The following KIRREL3 variants were observed in gnomAD, a reference collection of about 807,000 sequenced individuals.
The protein encoded by KIRREL3 is kirre like nephrin family adhesion molecule 3.
A neutral mutation model predicts 89.7 loss-of-function variants in KIRREL3; 36 were observed. That is an observed-to-expected ratio of 0.40 (90% CI 0.31 to 0.53). KIRREL3 has a LOEUF of 0.53. Among genes scored for constraint, KIRREL3 ranks in the 20% least tolerant of loss-of-function variants. The pLI, the probability that KIRREL3 is intolerant of heterozygous loss-of-function variation, is 0.49. For missense variants in KIRREL3, 864 were observed against 1,056.6 expected, an observed-to-expected ratio of 0.82 and a Z score of 2.53; for synonymous variants, 445 against 441.4, an observed-to-expected ratio of 1.01 and a Z score of -0.10.
rs912317155 is a variant in KIRREL3, at chr11:126,608,023, C to T, written c.56-45111G>A. On this transcript the variant is annotated intron_variant, in intron 1 of 16. Transcript: ENST00000525144. This position sits in a 1 kb window ranked among gnomAD's most constrained non-coding sequence, Gnocchi z 4.9. Reference sequence around the variant, plus strand: ...GGGCCTTTCTCATCATCTCCCGTGCCTGCCGTGCTGTCTCTTACCAACCCA... The same window carrying T: ...GGGCCTTTCTCATCATCTCCCGTGCTTGCCGTGCTGTCTCTTACCAACCCA... 2.6e-5 allele frequency among the ~76,000 whole-genome samples: 4 copies of T among 152,132 alleles called. No individual in the cohort carries two copies. The highest frequency in any genetic ancestry group is 7.3e-5 in the African/African-American group (3 of 41,376).
rs1435034997 is a variant in KIRREL3 at position 126,513,855 on chromosome 11, A to G, written c.433+7460T>C. ...AACAGCAACTACTCAGCGTGGCATT[A>G]TGGCATTGAACCCACAGGGTGGACC... On this transcript the variant is annotated intron_variant, in intron 4 of 16. Coordinates refer to ENST00000525144, the MANE Select transcript of KIRREL3 (RefSeq NM_032531.4). The surrounding 1 kb of genome is among the most constrained non-coding windows in gnomAD (Gnocchi z 5.9). Among the ~76,000 whole-genome samples the G allele has an allele frequency of 1.3e-5, 2 of 152,146 alleles. No homozygotes were observed. The highest frequency in any genetic ancestry group is 2.9e-5 in the Non-Finnish European group (2 of 68,018).
chr11:126,593,540 T>C (rs647306), intron 1 of KIRREL3, among the ~76,000 whole-genome samples: 1,867 of 152,362 alleles, frequency 0.012, 14 homozygotes, highest in Middle Eastern at 0.041. Context: ...AACACCCGGC[T>C]GGACCTGTGG....
In KIRREL3 at chr11:126,969,759, C is replaced by A. The variant is rs955106421; in HGVS notation, c.55+30696G>T. Among the ~76,000 whole-genome samples, 5 of 152,144 alleles carry A rather than the reference C, an allele frequency of 3.3e-5. No individual in the cohort carries two copies. The highest frequency in any genetic ancestry group is 7.3e-5 in the Non-Finnish European group (5 of 68,030). Reference sequence around the variant, plus strand: ...GGACCTGGCTCACTTTTGTAGATCCCTTCAAAGCTGGAGATTGGTGCCTTC... The same window carrying A: ...GGACCTGGCTCACTTTTGTAGATCCATTCAAAGCTGGAGATTGGTGCCTTC... On this transcript the variant is annotated intron_variant, in intron 1 of 16. Transcript: ENST00000525144. The surrounding 1 kb of genome is among the most constrained non-coding windows in gnomAD (Gnocchi z 4.9).
intron 1 of KIRREL3, among the ~76,000 whole-genome samples, chr11:126,821,806 G>A (rs553058164): frequency 6.6e-6 from 1 of 152,168 alleles, no homozygotes; most frequent in East Asian, 1.9e-4. Flanking sequence ...GATCCCACCA[G>A]CCCTAGTTGG....
In KIRREL3 at chr11:126,940,635, AT is replaced by A. The variant is rs1696495365; in HGVS notation, c.55+59819del. On this transcript the variant is annotated intron_variant, in intron 1 of 16. Transcript: ENST00000525144. This position sits in a 1 kb window ranked among gnomAD's most constrained non-coding sequence, Gnocchi z 4.6. ...TTCTCAGCCATACCTGGAAGTGGCCATTCATTTTTACATTCTAAGGCCATGT... is the reference window on the plus strand; with the variant it reads ...TTCTCAGCCATACCTGGAAGTGGCCATCATTTTTACATTCTAAGGCCATGT... The A allele has an allele frequency of 6.6e-6, 1 of 152,064 alleles. No individual in the cohort carries two copies. Among genetic ancestry groups the A allele is most frequent in the South Asian group, 2.1e-4 (1 of 4,820 alleles). The allele number at this position is 152,064 out of a possible 1,614,324, so 9.4% of individuals were successfully genotyped here.
At chr11:126,464,372 TA>T (rs200294157) in intron 5 of KIRREL3, among the ~76,000 whole-genome samples, 21,756 of 142,266 alleles carry the variant, frequency 0.15, 2,220 homozygotes, top group East Asian at 0.38. Flanking sequence ...AGAAAAAAAT[TA>T]AAAAAAAATT....
chr11:126,577,791 C>T (rs1208353012), intron 1 of KIRREL3, among the ~76,000 whole-genome samples: 6 of 151,800 alleles, frequency 4.0e-5, no homozygotes, highest in African/African-American at 1.5e-4. Flanking sequence ...ACTAACCGTC[C>T]TTTCTCTGGT....
chr11:126,452,821 A>G lies in KIRREL3; in HGVS notation c.848+3528T>C, dbSNP rs368003877. Reference sequence around the variant, plus strand: ...TTTTGGGGAGGTGCCTCAGGACCCGACAGAGCCCGCAGCTCACATCTCGCC... The same window carrying G: ...TTTTGGGGAGGTGCCTCAGGACCCGGCAGAGCCCGCAGCTCACATCTCGCC... On this transcript the variant is annotated intron_variant, in intron 7 of 16. Transcript: ENST00000525144. 7.2e-5 allele frequency among the ~76,000 whole-genome samples: 11 copies of G among 152,220 alleles called. No individual in the cohort carries two copies. In the East Asian group the frequency reaches 2.1e-3, roughly 29 times the overall value.
At chr11:126,444,894 C>T (rs1279485248) in intron 10 of KIRREL3, 85 bp downstream of exon 10, 1 of 1,568,496 alleles carries the variant, frequency 6.4e-7, no homozygotes, top group Non-Finnish European at 8.7e-7. Flanking sequence ...CCAGCGACAG[C>T]TCCTTTGGGG....
intron 1 of KIRREL3, among the ~76,000 whole-genome samples, chr11:126,915,659 T>C (rs1270591599): frequency 6.6e-6 from 1 of 152,228 alleles, no homozygotes; most frequent in African/African-American, 2.4e-5. Context: ...ACCACTCATC[T>C]AACTCTCCTG....
Position 126,601,447 on chromosome 11 carries a change from T to C in KIRREL3, c.56-38535A>G, listed in dbSNP as rs1942651592. Among the ~76,000 whole-genome samples, 1 of 152,228 alleles carries C rather than the reference T, an allele frequency of 6.6e-6. No homozygotes were observed. The highest frequency in any genetic ancestry group is 2.1e-4 in the South Asian group (1 of 4,830). On this transcript the variant is annotated intron_variant, in intron 1 of 16. Transcript: ENST00000525144. This position sits in a 1 kb window ranked among gnomAD's most constrained non-coding sequence, Gnocchi z 5.8. Reference sequence around the variant, plus strand: ...CAGGGAAGAAAAGCAATTTGTTTGCTCTCATACTCTAAAGATGAACTTCCC... The same window carrying C: ...CAGGGAAGAAAAGCAATTTGTTTGCCCTCATACTCTAAAGATGAACTTCCC...
chr11:126,554,489 G>T (rs1422531681), intron 2 of KIRREL3, among the ~76,000 whole-genome samples: 4 of 152,082 alleles, frequency 2.6e-5, no homozygotes, highest in African/African-American at 7.2e-5. Context: ...CCTGAGTCTT[G>T]GTTTCCTCCT....
intron 1 of KIRREL3, among the ~76,000 whole-genome samples, chr11:126,654,136 T>C (rs1945024420): frequency 1.3e-5 from 2 of 152,192 alleles, no homozygotes; most frequent in Non-Finnish European, 1.5e-5. Flanking sequence ...GGTATCTGCA[T>C]TCAGCTTCAC....
rs537572110 is a variant in KIRREL3, at chr11:126,561,850, C to T, written c.133+985G>A. Among the ~76,000 whole-genome samples the T allele has an allele frequency of 1.1e-4, 16 of 152,198 alleles. No homozygotes were observed. Among genetic ancestry groups the T allele is most frequent in the African/African-American group, 2.4e-4 (10 of 41,534 alleles). On this transcript the variant is annotated intron_variant, in intron 2 of 16. Transcript: ENST00000525144. The surrounding 1 kb of genome is among the most constrained non-coding windows in gnomAD (Gnocchi z 4.5). ...GGGGAGCGCATGGGGATGTGGTTGT[C>T]GTGGTCGGGGTTGGGAGGAGAGACA...
In KIRREL3 at chr11:126,516,687, G is replaced by T. The variant is rs771677567; in HGVS notation, c.433+4628C>A. ...CTTCCCAAGTTTCCAGGAAGTTGAA[G>T]AGATCAAGTGTAATGCCACCCTTAC... On this transcript the variant is annotated intron_variant, in intron 4 of 16. Coordinates refer to ENST00000525144, the MANE Select transcript of KIRREL3 (RefSeq NM_032531.4). This position sits in a 1 kb window ranked among gnomAD's most constrained non-coding sequence, Gnocchi z 4.9. Among the ~76,000 whole-genome samples, 2 of 152,224 alleles carry T rather than the reference G, an allele frequency of 1.3e-5. No homozygotes were observed.
Position 126,922,717 on chromosome 11 carries a change from A to G in KIRREL3, c.55+77738T>C, listed in dbSNP as rs796714927. Among the ~76,000 whole-genome samples the G allele has an allele frequency of 8.1e-4, 122 of 151,072 alleles. 1 individual carries two copies. The highest frequency in any genetic ancestry group is 3.5e-3 in the Admixed American group (53 of 15,210). Reference sequence around the variant, plus strand: ...ATAAAAAGCAGCAGGAGCAGCAGCAACAACAACAACAACAACAACAACAAC... The same window carrying G: ...ATAAAAAGCAGCAGGAGCAGCAGCAGCAACAACAACAACAACAACAACAAC... On this transcript the variant is annotated intron_variant, in intron 1 of 16. Transcript: ENST00000525144.
intron 1 of KIRREL3, among the ~76,000 whole-genome samples, chr11:126,819,765 C>T (rs1943144375): frequency 6.6e-6 from 1 of 152,214 alleles, no homozygotes; most frequent in South Asian, 2.1e-4. Context: ...TACTTATAGC[C>T]TTTTGCCAGA....
intron 1 of KIRREL3, among the ~76,000 whole-genome samples, chr11:126,858,673 T>C (rs1944614470): frequency 6.6e-6 from 1 of 152,142 alleles, no homozygotes; most frequent in South Asian, 2.1e-4. Context: ...GTTTTCTGTA[T>C]GGGTTCTGTG....
intron 1 of KIRREL3, among the ~76,000 whole-genome samples, chr11:126,711,570 C>T (rs1466622693): frequency 6.6e-6 from 1 of 151,982 alleles, no homozygotes; most frequent in Non-Finnish European, 1.5e-5. Flanking sequence ...TCAAAAAAAC[C>T]CAAAAAACAA....
Sources: gnomAD v4.1 joint callset for allele counts (sites outside exome capture counted in the v4.1 genomes callset) on GRCh38, gnomAD v4.1.1 for gene constraint, Gnocchi (gnomAD v3.1) non-coding constraint, MANE v1.5 for transcripts, NCBI Gene and HGNC (gene_info 2026-07-23, HGNC 2026-07-21) for gene names.